The following SNX29 variants were observed in gnomAD, a reference collection of about 807,000 sequenced individuals.
SNX29 encodes the protein sorting nexin 29.
A neutral mutation model predicts 102.1 loss-of-function variants in SNX29; 78 were observed. The ratio of observed to expected loss-of-function variants is 0.76; its 90% CI spans 0.64 to 0.92. The LOEUF (loss-of-function observed/expected upper bound fraction) is 0.92, where lower values mean the gene tolerates loss of function less well. SNX29 is among the 40% of genes least tolerant of loss of function. The pLI, the probability that SNX29 is intolerant of heterozygous loss-of-function variation, is 0.00. For synonymous variants in SNX29, 580 were observed against 414.5 expected (o/e 1.40, Z -4.85); for missense variants, 1,280 against 1,061.7 (o/e 1.21, Z -2.86).
intron 15 of SNX29, among the ~76,000 whole-genome samples, chr16:12,316,165 G>T (rs2080728661): frequency 6.6e-6 from 1 of 152,214 alleles, no homozygotes; most frequent in South Asian, 2.1e-4. Flanking sequence ...AAGCAGGAGA[G>T]CTTGGCAGAT....
intron 13 of SNX29, among the ~76,000 whole-genome samples, chr16:12,142,604 G>T (rs560029104): frequency 3.6e-4 from 55 of 152,132 alleles, no homozygotes; most frequent in Non-Finnish European, 7.4e-4. Context: ...TGTTCTTGTT[G>T]CCCAGGCTGG....
intron 18 of SNX29, among the ~76,000 whole-genome samples, chr16:12,417,531 C>G (rs556967586): frequency 6.6e-6 from 1 of 152,238 alleles, no homozygotes; most frequent in East Asian, 1.9e-4. Context: ...ACTCTACATC[C>G]CTCCCCTGGT....
intron 14 of SNX29, among the ~76,000 whole-genome samples, chr16:12,253,391 C>T (rs2078477575): frequency 6.6e-6 from 1 of 152,128 alleles, no homozygotes; most frequent in African/African-American, 2.4e-5. Flanking sequence ...AGAAGATAAT[C>T]AACAAATAGG....
intron 1 of SNX29, among the ~76,000 whole-genome samples, chr16:11,997,261 C>G (rs939447070): frequency 6.6e-6 from 1 of 152,168 alleles, no homozygotes; most frequent in Non-Finnish European, 1.5e-5. Context: ...TCTCCCCTTG[C>G]TGTTTGCTCT....
At chr16:12,382,387 C>G (rs2083199002) in intron 16 of SNX29, among the ~76,000 whole-genome samples, 1 of 152,132 alleles carries the variant, frequency 6.6e-6, no homozygotes, top group Admixed American at 6.5e-5. Context: ...ACTCTGGAGC[C>G]CACACTGCCT....
At chr16:12,476,417 T>TATACAC (rs1555548001) in intron 18 of SNX29, among the ~76,000 whole-genome samples, 1 of 23,968 alleles carries the variant, frequency 4.2e-5, no homozygotes. Context: ...TATATACATA[T>TATACAC]ATATATATAT....
At chr16:12,214,772 C>G (rs1567319799) in intron 14 of SNX29, among the ~76,000 whole-genome samples, 1 of 152,222 alleles carries the variant, frequency 6.6e-6, no homozygotes, top group Non-Finnish European at 1.5e-5. Context: ...GCACACCACA[C>G]TGACCTCCAG....
rs1187457380 is a variant in SNX29, at chr16:11,999,348, CAG to C, written c.60_61del (p.Val21GlufsTer29). On this transcript the variant is annotated frameshift_variant, in exon 2 of 21. Coordinates refer to ENST00000566228, the MANE Select transcript of SNX29 (RefSeq NM_032167.5). LOFTEE classifies it high-confidence loss of function. ...TTTCTGCTGGAGCGACTGCTGGATGCAGTGAAACAGGTAAGCAGAAAGCACAC... is the reference window on the plus strand; with the variant it reads ...TTTCTGCTGGAGCGACTGCTGGATGCTGAAACAGGTAAGCAGAAAGCACAC... The C allele has an allele frequency of 1.9e-6, 3 of 1,613,942 alleles. No individual in the cohort carries two copies. The Admixed American group carries it at 5.0e-5, about 27-fold the overall frequency.
At chr16:12,253,745 G>A (rs957960130) in intron 14 of SNX29, among the ~76,000 whole-genome samples, 21 of 152,304 alleles carry the variant, frequency 1.4e-4, no homozygotes, top group African/African-American at 4.6e-4. Context: ...AGGTGGGAAT[G>A]AGAAGGGGGC....
chr16:12,102,570 G>C lies in SNX29; in HGVS notation c.1402+23655G>C, dbSNP rs1037310339. ...GTTGGCCACATAAATGTCTTCTTTG[G>C]AGAAGTGTCTGCTCATATCCTTCAC... On this transcript the variant is annotated intron_variant, in intron 11 of 20. Coordinates refer to ENST00000566228, the MANE Select transcript of SNX29 (RefSeq NM_032167.5). Among the ~76,000 whole-genome samples the C allele has an allele frequency of 2.0e-5, 3 of 152,116 alleles. No homozygotes were observed. In the South Asian group the frequency reaches 6.2e-4, roughly 32 times the overall value.
At chr16:12,233,118 CTCCTCCTCCTCCCCCTATTCT>C (rs1458961043) in intron 14 of SNX29, among the ~76,000 whole-genome samples, 3 of 152,078 alleles carry the variant, frequency 2.0e-5, no homozygotes, top group African/African-American at 4.8e-5. Context: ...TGTCTTCCTC[CTCCTCCTCCTCCCCCTATTCT>C]TCCTCCTCCT....
At chr16:12,206,681 C>A (rs572783129) in intron 14 of SNX29, among the ~76,000 whole-genome samples, 2 of 152,016 alleles carry the variant, frequency 1.3e-5, no homozygotes, top group Non-Finnish European at 2.9e-5. Flanking sequence ...CTCACTGTCC[C>A]GTCTTTCCAT....
chr16:12,247,530 C>G (rs946910577), intron 14 of SNX29, among the ~76,000 whole-genome samples: 1 of 152,120 alleles, frequency 6.6e-6, no homozygotes, highest in Non-Finnish European at 1.5e-5. Context: ...TGACTTGTCA[C>G]GAGAAAGGAA....
At chr16:11,984,550 T>A (rs2055528378) in intron 1 of SNX29, among the ~76,000 whole-genome samples, 1 of 151,928 alleles carries the variant, frequency 6.6e-6, no homozygotes, top group Admixed American at 6.6e-5. Context: ...TTCATCATTT[T>A]GCATGTAGTA....
chr16:12,491,146 G>C (rs2088525764), intron 19 of SNX29, among the ~76,000 whole-genome samples: 5 of 152,248 alleles, frequency 3.3e-5, no homozygotes, highest in Admixed American at 3.3e-4. Context: ...TGACTACTCA[G>C]TGTTGCATTT....
At chr16:12,284,045 T>A (rs1017946464) in intron 15 of SNX29, among the ~76,000 whole-genome samples, 12 of 152,244 alleles carry the variant, frequency 7.9e-5, no homozygotes, top group African/African-American at 2.7e-4. Flanking sequence ...CTGAGACTCT[T>A]GCTTCTTTAC....
chr16:12,385,535 C>T (rs561190082), intron 16 of SNX29, among the ~76,000 whole-genome samples: 1 of 152,312 alleles, frequency 6.6e-6, no homozygotes, highest in Admixed American at 6.5e-5. Flanking sequence ...GGCCCTCACC[C>T]GGACTGTGTC....
intron 9 of SNX29, 146 bp from the exon 10 acceptor site, chr16:12,068,911 T>C: frequency 1.5e-6 from 1 of 673,690 alleles, no homozygotes. Context: ...AACAGCTGAT[T>C]AAAATCCAGC....
intron 8 of SNX29, among the ~76,000 whole-genome samples, chr16:12,054,880 T>A (rs1276091840): frequency 2.0e-5 from 3 of 152,218 alleles, no homozygotes; most frequent in Non-Finnish European, 2.9e-5. Context: ...TTGTTGGGTA[T>A]TTATGCTGAT....
Sources: gnomAD v4.1 joint callset for allele counts (sites outside exome capture counted in the v4.1 genomes callset) on GRCh38, gnomAD v4.1.1 for gene constraint, MANE v1.5 for transcripts, NCBI Gene and HGNC (gene_info 2026-07-23, HGNC 2026-07-21) for gene names.